The following SUSD4 variants were observed in gnomAD, a reference collection of about 807,000 sequenced individuals.
SUSD4 encodes sushi domain containing 4.
SUSD4 carries 41 observed loss-of-function variants against 50.5 expected under a neutral mutation model. The observed-to-expected ratio is 0.81, with a 90% CI of 0.63 to 1.05. The LOEUF (loss-of-function observed/expected upper bound fraction) is 1.05, where lower values mean the gene tolerates loss of function less well. SUSD4 is among the 50% of genes least tolerant of loss of function. The pLI is 0.00. For missense variants in SUSD4, 580 were observed against 634.7 expected, an observed-to-expected ratio of 0.91 and a Z score of 0.93; for synonymous variants, 257 against 257.3, an observed-to-expected ratio of 1.00 and a Z score of 0.01.
At chr1:223,339,694 G>C (rs1372982649) in intron 2 of SUSD4, among the ~76,000 whole-genome samples, 1 of 152,156 alleles carries the variant, frequency 6.6e-6, no homozygotes, top group East Asian at 1.9e-4. Flanking sequence ...AGCGTCTATG[G>C]GGGCAAGGCC....
chr1:223,319,967 A>G (rs1247113087), intron 2 of SUSD4, among the ~76,000 whole-genome samples: 1 of 152,202 alleles, frequency 6.6e-6, no homozygotes, highest in East Asian at 1.9e-4. Flanking sequence ...TGGACAAGTT[A>G]CTTTCCTCCT....
At chr1:223,308,351 G>A (rs1217717547) in intron 2 of SUSD4, among the ~76,000 whole-genome samples, 1 of 151,974 alleles carries the variant, frequency 6.6e-6, no homozygotes, top group Non-Finnish European at 1.5e-5. Flanking sequence ...TCTTGTTCCT[G>A]CTCTTACCAT....
At chr1:223,342,381 T>C (rs1256688773) in intron 2 of SUSD4, among the ~76,000 whole-genome samples, 1 of 152,182 alleles carries the variant, frequency 6.6e-6, no homozygotes, top group East Asian at 1.9e-4. Flanking sequence ...ATGTCCCTTC[T>C]CCCCAAATTA....
At chr1:223,258,270 TC>T in intron 5 of SUSD4, among the ~76,000 whole-genome samples, 1 of 152,294 alleles carries the variant, frequency 6.6e-6, no homozygotes, top group Non-Finnish European at 1.5e-5. Flanking sequence ...TGGGGAGCCC[TC>T]CACATCCAAG....
rs193141164 is a variant in SUSD4 at position 223,270,053 on chromosome 1, G to T, written c.362-1378C>A. Among the ~76,000 whole-genome samples the T allele has an allele frequency of 8.9e-4, 136 of 152,270 alleles. 1 individual carries two copies. Among genetic ancestry groups the T allele is most frequent in the Middle Eastern group, 3.4e-3 (1 of 294 alleles). ...GGGGTTGGGGCTGGGTTTACTGGGA[G>T]AAATGGGAAGTATGGCACAACAGAC... On this transcript the variant is annotated intron_variant, in intron 3 of 8. Coordinates refer to ENST00000366878, the MANE Select transcript of SUSD4 (RefSeq NM_017982.4).
chr1:223,222,070 G>A lies in SUSD4; in HGVS notation c.*122C>T. The A allele has an allele frequency of 1.1e-6, 1 of 908,370 alleles. No homozygotes were observed. The highest frequency in any genetic ancestry group is 2.4e-5 in the Admixed American group (1 of 41,938). 56.3% of individuals were successfully genotyped at this position (908,370 alleles called of 1,614,324 possible). A position where few individuals can be genotyped will look rare whatever the true frequency, so the allele number is the denominator to read the frequency against. The stretch of plus-strand genomic sequence containing the variant: ...GAGCCTGAGATGCATAATGTGAACT[G>A]TGGTCCCCATGTAGACAAGTTAGAC... On this transcript the variant is annotated 3_prime_UTR_variant, in exon 9 of 9. Coordinates refer to ENST00000366878, the MANE Select transcript of SUSD4 (RefSeq NM_017982.4).
intron 2 of SUSD4, chr1:223,358,893 C>A: frequency 3.4e-6 from 1 of 290,570 alleles, no homozygotes; most frequent in Non-Finnish European, 7.1e-6. Flanking sequence ...GAATGAAAAG[C>A]TTTCACTCTA....
intron 5 of SUSD4, chr1:223,263,614 C>T (rs1662274064): frequency 2.0e-6 from 2 of 985,182 alleles, no homozygotes; most frequent in Admixed American, 6.2e-5. Flanking sequence ...CCCTTCCCTC[C>T]TTCCCCCATC....
chr1:223,270,009 C>T (rs1371086570), intron 3 of SUSD4, among the ~76,000 whole-genome samples: 1 of 152,066 alleles, frequency 6.6e-6, no homozygotes, highest in Non-Finnish European at 1.5e-5. Context: ...GAAAAGGGCA[C>T]ATCCAGGAGC....
In SUSD4 at chr1:223,229,916, C is replaced by T. The variant is rs187279830; in HGVS notation, c.725-528G>A. Among the ~76,000 whole-genome samples the T allele has an allele frequency of 5.4e-4, 82 of 152,316 alleles. No individual in the cohort carries two copies. In the East Asian group the frequency reaches 6.6e-3, roughly 12 times the overall value. On this transcript the variant is annotated intron_variant, in intron 5 of 8. Coordinates refer to ENST00000366878, the MANE Select transcript of SUSD4 (RefSeq NM_017982.4). This position sits in a 1 kb window ranked among gnomAD's most constrained non-coding sequence, Gnocchi z 4.7. Reference sequence around the variant, plus strand: ...ACATGGAGCAGTTCTTCTAGCTCTGCTTGCAGAGCCAGGGCACAGCCTCCA... The same window carrying T: ...ACATGGAGCAGTTCTTCTAGCTCTGTTTGCAGAGCCAGGGCACAGCCTCCA...
chr1:223,316,943 A>G (rs1376344267), intron 2 of SUSD4, among the ~76,000 whole-genome samples: 1 of 152,166 alleles, frequency 6.6e-6, no homozygotes, highest in African/African-American at 2.4e-5. Context: ...GATGACGATG[A>G]GTCTGGCAGC....
At chr1:223,329,998 A>G (rs949084296) in intron 2 of SUSD4, among the ~76,000 whole-genome samples, 1 of 152,202 alleles carries the variant, frequency 6.6e-6, no homozygotes, top group Non-Finnish European at 1.5e-5. Context: ...GGACAGACAA[A>G]TGTGTGGATG....
chr1:223,222,713 A>G (rs1659209211), intron 8 of SUSD4, among the ~76,000 whole-genome samples: 1 of 152,196 alleles, frequency 6.6e-6, no homozygotes, highest in Non-Finnish European at 1.5e-5. Context: ...TTTACCATGA[A>G]TCTACCCTTC....
intron 5 of SUSD4, among the ~76,000 whole-genome samples, chr1:223,242,322 A>C (rs546618620): frequency 6.6e-6 from 1 of 152,288 alleles, no homozygotes; most frequent in African/African-American, 2.4e-5. Context: ...TTGCCTGCAG[A>C]GCCTCTCCAG....
In SUSD4 at chr1:223,229,885, T is replaced by C. The variant is rs561067862; in HGVS notation, c.725-497A>G. ...TACAGCTCTGCTGAGGCTTAGCCAA[T>C]GACGAACATGGAGCAGTTCTTCTAG... is the stretch of plus-strand genomic sequence containing the variant. On this transcript the variant is annotated intron_variant, in intron 5 of 8. Transcript: ENST00000366878. The surrounding 1 kb of genome is among the most constrained non-coding windows in gnomAD (Gnocchi z 4.7). 6.6e-6 allele frequency among the ~76,000 whole-genome samples: 1 copy of C among 152,322 alleles called. No homozygotes were observed. Among genetic ancestry groups the C allele is most frequent in the East Asian group, 1.9e-4 (1 of 5,176 alleles).
intron 2 of SUSD4, among the ~76,000 whole-genome samples, chr1:223,344,855 C>T (rs1051951382): frequency 1.3e-5 from 2 of 152,168 alleles, no homozygotes; most frequent in African/African-American, 4.8e-5. Context: ...GAGTTCAGAA[C>T]ATTTAGCACT....
At chr1:223,291,612 A>G (rs2103146974) in intron 3 of SUSD4, among the ~76,000 whole-genome samples, 1 of 152,274 alleles carries the variant, frequency 6.6e-6, no homozygotes, top group Non-Finnish European at 1.5e-5. Flanking sequence ...TTCCAAAATA[A>G]AATCAGTGTT....
chr1:223,301,235 G>A lies in SUSD4; in HGVS notation c.149-8584C>T, dbSNP rs149094204. ...TGCTGGAATATTTAATGATTCAATA[G>A]AATACAATCCTCATGTTTCCCCCAA... On this transcript the variant is annotated intron_variant, in intron 2 of 8. Coordinates refer to ENST00000366878, the MANE Select transcript of SUSD4 (RefSeq NM_017982.4). Among the ~76,000 whole-genome samples, 7 of 152,310 alleles carry A rather than the reference G, an allele frequency of 4.6e-5. 1 individual carries two copies. The highest frequency in any genetic ancestry group is 1.7e-4 in the African/African-American group (7 of 41,560).
chr1:223,322,473 TTTAGGACA>T (rs1666629792), intron 2 of SUSD4, among the ~76,000 whole-genome samples: 1 of 152,154 alleles, frequency 6.6e-6, no homozygotes, highest in Admixed American at 6.5e-5. Flanking sequence ...AATTAATGAA[TTTAGGACA>T]TTGTGCCAGG....
Sources: gnomAD v4.1 joint callset for allele counts (sites outside exome capture counted in the v4.1 genomes callset) on GRCh38, gnomAD v4.1.1 for gene constraint, Gnocchi (gnomAD v3.1) non-coding constraint, MANE v1.5 for transcripts, NCBI Gene and HGNC (gene_info 2026-07-23, HGNC 2026-07-21) for gene names.